The following HELLS variants were observed in gnomAD, a reference collection of about 807,000 sequenced individuals.
The protein encoded by HELLS is lymphoid-specific helicase.
A neutral mutation model predicts 120.0 loss-of-function variants in HELLS; 32 were observed. The observed-to-expected ratio is 0.27, with a 90% CI of 0.20 to 0.36. The LOEUF is 0.36. Among genes scored for constraint, HELLS ranks in the 10% least tolerant of loss-of-function variants. The pLI, the probability that HELLS is intolerant of heterozygous loss-of-function variation, is 1.00. For synonymous variants in HELLS, 341 were observed against 323.4 expected (o/e 1.05, Z -0.58); for missense variants, 650 against 993.4 (o/e 0.65, Z 4.65).
intron 4 of HELLS, among the ~76,000 whole-genome samples, 184 bp from the exon 5 acceptor site, chr10:94,562,507 T>G (rs1228968347): frequency 3.3e-5 from 5 of 152,204 alleles, no homozygotes; most frequent in South Asian, 2.1e-4. Flanking sequence ...AAGCAGAGAT[T>G]ATGAACAAGT....
At chr10:94,565,817 C>T (rs187007973) in intron 6 of HELLS, among the ~76,000 whole-genome samples, 1 of 152,164 alleles carries the variant, frequency 6.6e-6, no homozygotes, top group Admixed American at 6.5e-5. Flanking sequence ...GGATGAAATC[C>T]ATTAGTAAAG....
At chr10:94,559,724 G>T (rs925340311) in intron 4 of HELLS, among the ~76,000 whole-genome samples, 7 of 151,996 alleles carry the variant, frequency 4.6e-5, no homozygotes, top group South Asian at 2.1e-4. Flanking sequence ...GATTACAGGC[G>T]AGAGCCACTG....
At chr10:94,600,087 T>TA (rs1845952623) in intron 21 of HELLS, among the ~76,000 whole-genome samples, 1 of 152,138 alleles carries the variant, frequency 6.6e-6, no homozygotes, top group Admixed American at 6.5e-5. Context: ...GCTCAGGAGT[T>TA]AGAGACCAGC....
At chr10:94,549,844 T>C (rs1565011102) in intron 2 of HELLS, among the ~76,000 whole-genome samples, 1 of 152,236 alleles carries the variant, frequency 6.6e-6, no homozygotes, top group East Asian at 1.9e-4. Flanking sequence ...ATTAACCACT[T>C]ACATGGTATT....
chr10:94,563,907 T>G (rs1221888603), intron 6 of HELLS, among the ~76,000 whole-genome samples: 1 of 150,954 alleles, frequency 6.6e-6, no homozygotes, highest in African/African-American at 2.4e-5. Context: ...GCTTCCCAGG[T>G]TCAAGCAATT....
chr10:94,593,176 C>T (rs1295603909), intron 17 of HELLS, among the ~76,000 whole-genome samples: 3 of 152,174 alleles, frequency 2.0e-5, no homozygotes, highest in African/African-American at 7.2e-5. Flanking sequence ...CCTGTGCCCC[C>T]TTCTAGTCAA....
At chr10:94,598,820 A>G (rs945904726) in intron 21 of HELLS, among the ~76,000 whole-genome samples, 6 of 151,938 alleles carry the variant, frequency 3.9e-5, no homozygotes, top group African/African-American at 1.4e-4. Flanking sequence ...ATTTTCTTTT[A>G]ATAGTTTTAT....
At chr10:94,582,871 T>G (rs370973517) in intron 11 of HELLS, 92 bp from the exon 12 acceptor site, 21 of 660,974 alleles carry the variant, frequency 3.2e-5, no homozygotes, top group Middle Eastern at 3.6e-4. Flanking sequence ...CCACGTTTCA[T>G]TATCAGATTA....
At chr10:94,609,114 C>T (rs1321875668) in intron 9 of HELLS, among the ~76,000 whole-genome samples, 3 of 147,798 alleles carry the variant, frequency 2.0e-5, no homozygotes, top group Non-Finnish European at 4.4e-5. Context: ...ACTTCCACCT[C>T]CCAGGTTCAA....
At chr10:94,561,533 G>A (rs1322050318) in intron 4 of HELLS, among the ~76,000 whole-genome samples, 1 of 152,046 alleles carries the variant, frequency 6.6e-6, no homozygotes, top group Non-Finnish European at 1.5e-5. Context: ...TAGCACCATA[G>A]TAGCTCACTA....
intron 4 of HELLS, among the ~76,000 whole-genome samples, chr10:94,559,969 A>T (rs974908827): frequency 6.6e-6 from 1 of 152,234 alleles, no homozygotes. Flanking sequence ...GCTGAAAATT[A>T]CGGATTTGAA....
chr10:94,592,203 T>G, intron 15 of HELLS, 26 bp from the exon 16 acceptor site: 4 of 1,525,950 alleles, frequency 2.6e-6, no homozygotes, highest in South Asian at 2.4e-5. Context: ...TTCTCTCTAT[T>G]TTTTCTTCCT....
At chr10:94,595,471 TAA>T (rs1410711180) in intron 19 of HELLS, among the ~76,000 whole-genome samples, 6 of 152,204 alleles carry the variant, frequency 3.9e-5, no homozygotes, top group Non-Finnish European at 8.8e-5. Context: ...ATTAAAATAT[TAA>T]GTGTATTTAA....
intron 2 of HELLS, among the ~76,000 whole-genome samples, chr10:94,553,504 C>G (rs1843085217): frequency 6.6e-6 from 1 of 151,760 alleles, no homozygotes; most frequent in Non-Finnish European, 1.5e-5. Context: ...CCTCCTCGGC[C>G]TCCCAAAGTG....
chr10:94,553,574 T>A (rs1257428161), intron 2 of HELLS, among the ~76,000 whole-genome samples: 1 of 125,946 alleles, frequency 7.9e-6, no homozygotes, highest in Admixed American at 8.4e-5. Context: ...TTTTTTTTGG[T>A]ACGGAGTTTT....
intron 3 of HELLS, among the ~76,000 whole-genome samples, chr10:94,556,260 G>T (rs1049374496): frequency 6.6e-6 from 1 of 152,214 alleles, no homozygotes. Flanking sequence ...TTGGGTCACA[G>T]AAGTCTTTTG....
chr10:94,557,746 A>G (rs909061091), intron 3 of HELLS, among the ~76,000 whole-genome samples: 3 of 152,178 alleles, frequency 2.0e-5, no homozygotes, highest in Non-Finnish European at 2.9e-5. Context: ...TACTGCTCTT[A>G]AGTTTTGGAT....
downstream of HELLS, among the ~76,000 whole-genome samples, chr10:94,606,624 A>G (rs535257244): frequency 6.6e-6 from 1 of 152,094 alleles, no homozygotes; most frequent in Non-Finnish European, 1.5e-5. Context: ...CATTGGTATT[A>G]TATGTATGAG....
chr10:94,551,241 TTAGAATCTTA>T (rs1226544680), intron 2 of HELLS, among the ~76,000 whole-genome samples: 1 of 152,202 alleles, frequency 6.6e-6, no homozygotes, highest in Non-Finnish European at 1.5e-5. Flanking sequence ...AGGTCCATTC[TTAGAATCTTA>T]CTGTAGTCAC....
Sources: allele counts gnomAD v4.1 joint callset (sites outside exome capture counted in the v4.1 genomes callset), GRCh38; gene constraint gnomAD v4.1.1; transcripts MANE v1.5; gene names NCBI Gene and HGNC (gene_info 2026-07-23, HGNC 2026-07-21).